Variants in MSH5 observed in about 807,000 individuals in gnomAD.
The protein encoded by MSH5 is mutS protein homolog 5.
A neutral mutation model predicts 107.7 loss-of-function variants in MSH5; 78 were observed. The observed-to-expected ratio is 0.72, with a 90% confidence interval of 0.60 to 0.87. The LOEUF (loss-of-function observed/expected upper bound fraction) is 0.87, where lower values mean the gene tolerates loss of function less well. Among genes scored for constraint, MSH5 ranks in the 40% least tolerant of loss-of-function variants. The pLI is 0.00. For missense variants in MSH5, 889 were observed against 1,046.6 expected (o/e 0.85, Z 2.08); for synonymous variants, 326 against 399.5 (o/e 0.82, Z 2.19).
chr6:31,754,536 A>T (rs1810267405), intron 12 of MSH5, among the ~76,000 whole-genome samples: 1 of 151,958 alleles, frequency 6.6e-6, no homozygotes, highest in African/African-American at 2.4e-5. Context: ...TTTTTAAATA[A>T]GGTCCTGCTT....
intron 10 of MSH5, among the ~76,000 whole-genome samples, chr6:31,747,989 T>C (rs1296396782): frequency 8.1e-6 from 1 of 122,888 alleles, no homozygotes; most frequent in African/African-American, 3.4e-5. Flanking sequence ...GGCAACAGAG[T>C]GAGACTCCGT....
Position 31,762,186 on chromosome 6 carries a change from G to A in MSH5, c.2393+1G>A. 1.2e-6 allele frequency: 2 copies of A among 1,614,150 alleles called. No homozygotes were observed. Among genetic ancestry groups the A allele is most frequent in the Non-Finnish European group, 1.7e-6 (2 of 1,180,002 alleles). ...TGCTAAAGAAGAACCAAATGGAAAA[G>A]TGCGTATATGGCCCCAGTGTCTTTA... On this transcript the variant is annotated splice_donor_variant, in intron 24 of 24. Coordinates refer to ENST00000375750, the MANE Select transcript of MSH5 (RefSeq NM_172166.4). LOFTEE classifies it high-confidence loss of function.
chr6:31,755,677 G>A (rs140042511), intron 12 of MSH5, among the ~76,000 whole-genome samples: 442 of 151,922 alleles, frequency 2.9e-3, no homozygotes, highest in African/African-American at 5.9e-3. Context: ...TTTATTTTTT[G>A]TAGAGACAGG....
At chr6:31,762,396 C>G in intron 24 of MSH5, 24 bp from the exon 25 acceptor site, 1 of 1,558,490 alleles carries the variant, frequency 6.4e-7, no homozygotes, top group Non-Finnish European at 8.9e-7. Flanking sequence ...TGCCATAAAT[C>G]TTGCGATTTT....
At chr6:31,741,336 TACACACACACACACAC>T (rs9279401) in intron 3 of MSH5, 50 bp downstream of exon 3, 58,674 of 895,266 alleles carry the variant, frequency 0.066, 2,550 homozygotes, top group African/African-American at 0.14. Context: ...GCAGATGTGT[TACACACACACACACAC>T]ACACACACAC....
rs1810643715 is a variant in MSH5 at position 31,758,366 on chromosome 6, C to A, written c.1143+73C>A. The A allele has an allele frequency of 1.9e-6, 3 of 1,592,588 alleles. No homozygotes were observed. Among genetic ancestry groups the A allele is most frequent in the South Asian group, 2.2e-5 (2 of 89,084 alleles). ...GAATGCAGTGTGCAAGATGGGGAAA[C>A]ATGGAAGATATTGAGGTCAATTGGA... On this transcript the variant is annotated intron_variant, in intron 13 of 24. Coordinates refer to ENST00000375750, the MANE Select transcript of MSH5 (RefSeq NM_172166.4). The surrounding 1 kb of genome is among the most constrained non-coding windows in gnomAD (Gnocchi z 5.1).
intron 10 of MSH5, among the ~76,000 whole-genome samples, chr6:31,751,152 C>T (rs968707103): frequency 8.5e-5 from 13 of 152,088 alleles, no homozygotes; most frequent in Non-Finnish European, 1.9e-4. Context: ...CCCGCCAACA[C>T]GCCCGGCTAA....
intron 10 of MSH5, 36 bp from the exon 11 acceptor site, chr6:31,753,265 A>C: frequency 6.4e-7 from 1 of 1,566,636 alleles, no homozygotes; most frequent in East Asian, 2.3e-5. Context: ...TGATAGATGT[A>C]ACTTGTAGTA....
Position 31,759,197 on chromosome 6 carries a change from T to C in MSH5, c.1407+20T>C. ...TTCATGGTAAGACCCTCAACCTCTG[T>C]AAGGTGAGTGATGAGGAAAATGAGT... On this transcript the variant is annotated intron_variant, in intron 16 of 24. Coordinates refer to ENST00000375750, the MANE Select transcript of MSH5 (RefSeq NM_172166.4). The surrounding 1 kb of genome is among the most constrained non-coding windows in gnomAD (Gnocchi z 4.7). 1 of 1,604,918 alleles carries C rather than the reference T, an allele frequency of 6.2e-7. No individual in the cohort carries two copies. Among genetic ancestry groups the C allele is most frequent in the Non-Finnish European group, 8.5e-7 (1 of 1,172,972 alleles).
In MSH5 at chr6:31,760,172, A is replaced by C; in HGVS notation, c.1768A>C (p.Ile590Leu). 1 of 1,611,878 alleles carries C rather than the reference A, an allele frequency of 6.2e-7. No homozygotes were observed. Among genetic ancestry groups the C allele is most frequent in the Non-Finnish European group, 8.5e-7 (1 of 1,179,046 alleles). ...TGGGGACAAAGGGAGGGTCAAAGTCATCACTGGACCCAACTCATCAGGGAA... is the reference window on the plus strand; with the variant it reads ...TGGGGACAAAGGGAGGGTCAAAGTCCTCACTGGACCCAACTCATCAGGGAA... ...CGGDKGRVKVITGPNSSGKSI... is the reference protein window; with the variant it reads ...CGGDKGRVKVLTGPNSSGKSI... The change falls in exon 19 of 25, where the codon ATC becomes CTC. Residue 590 changes from isoleucine to leucine, a missense_variant. Physicochemically the swap from Ile to Leu is conservative, Grantham distance 5. Around this residue, in one of 3 missense-constraint regions of MSH5, gnomAD observed 362 missense variants for 456.2 expected, o/e 0.79. Transcript: ENST00000375750. This position sits in a 1 kb window ranked among gnomAD's most constrained non-coding sequence, Gnocchi z 5.6.
intron 10 of MSH5, among the ~76,000 whole-genome samples, chr6:31,752,268 G>A (rs562780991): frequency 1.8e-4 from 28 of 151,610 alleles, no homozygotes; most frequent in African/African-American, 6.5e-4. Flanking sequence ...GTGAAACCCC[G>A]TCTCTACTAA....
intron 5 of MSH5, chr6:31,743,440 G>T: frequency 1.9e-6 from 1 of 535,268 alleles, no homozygotes; most frequent in Non-Finnish European, 3.3e-6. Context: ...GGGTTTTATT[G>T]TTGGAATTCT....
In MSH5 at chr6:31,759,447, A is replaced by C; in HGVS notation, c.1430A>C (p.His477Pro). The change falls in exon 17 of 25, where the codon CAC becomes CCC. Residue 477 changes from histidine to proline, a missense_variant. Around this residue, in one of 3 missense-constraint regions of MSH5, gnomAD observed 362 missense variants for 456.2 expected, o/e 0.79. Transcript: ENST00000375750. This position sits in a 1 kb window ranked among gnomAD's most constrained non-coding sequence, Gnocchi z 4.7. ...CAGTTTCTCTCAGAGGAGAAGCTGCACTATCGTAGTGCCCGAACCAAGGAG... is the reference window on the plus strand; with the variant it reads ...CAGTTTCTCTCAGAGGAGAAGCTGCCCTATCGTAGTGCCCGAACCAAGGAG... ...DFMFLSEEKL[H>P]YRSARTKELD... 6 of 1,612,752 alleles carry C rather than the reference A, an allele frequency of 3.7e-6. No individual in the cohort carries two copies. Among genetic ancestry groups the C allele is most frequent in the Non-Finnish European group, 8.5e-7 (1 of 1,180,016 alleles).
rs1810609288 is a variant in MSH5 at position 31,758,111 on chromosome 6, C to T, written c.1015-54C>T. ...GTTCTTCTGAGTCTGTCCCTATCACCACCTCAACCCGAGCTGGATGTGGCC... is the reference window on the plus strand; with the variant it reads ...GTTCTTCTGAGTCTGTCCCTATCACTACCTCAACCCGAGCTGGATGTGGCC... On this transcript the variant is annotated intron_variant, in intron 12 of 24. Coordinates refer to ENST00000375750, the MANE Select transcript of MSH5 (RefSeq NM_172166.4). This position sits in a 1 kb window ranked among gnomAD's most constrained non-coding sequence, Gnocchi z 5.1. 6.2e-7 allele frequency: 1 copy of T among 1,608,480 alleles called. No homozygotes were observed. The highest frequency in any genetic ancestry group is 1.1e-5 in the South Asian group (1 of 90,900).
chr6:31,758,863 C>T lies in MSH5; in HGVS notation c.1314C>T (p.Ile438=). Residue 438 remains isoleucine, a synonymous_variant, in exon 15 of 25, where the codon ATC becomes ATT. Coordinates refer to ENST00000375750, the MANE Select transcript of MSH5 (RefSeq NM_172166.4). This position sits in a 1 kb window ranked among gnomAD's most constrained non-coding sequence, Gnocchi z 5.1. The stretch of plus-strand genomic sequence containing the variant: ...CCCGTATTCCTTCATGCAGTGTCAT[C>T]TACATCCCTCTGGTGAGGGCAGGAG... ...LDSRIPSCSV[I]YIPLIGFLLS... is the part of the protein sequence containing the mutation. 1.2e-6 allele frequency: 2 copies of T among 1,613,834 alleles called. No homozygotes were observed. The highest frequency in any genetic ancestry group is 2.2e-5 in the East Asian group (1 of 44,878).
At chr6:31,750,879 A>G (rs1452486932) in intron 10 of MSH5, among the ~76,000 whole-genome samples, 1 of 152,236 alleles carries the variant, frequency 6.6e-6, no homozygotes, top group Non-Finnish European at 1.5e-5. Context: ...TTCTATGTAG[A>G]AAAGAATTTG....
In MSH5 at chr6:31,761,152, A is replaced by G. The variant is rs2151379727; in HGVS notation, c.1963-36A>G. On this transcript the variant is annotated intron_variant, in intron 20 of 24. Coordinates refer to ENST00000375750, the MANE Select transcript of MSH5 (RefSeq NM_172166.4). The surrounding 1 kb of genome is among the most constrained non-coding windows in gnomAD (Gnocchi z 5.3). Reference sequence around the variant, plus strand: ...GTGGTCAGTGCGTTACGGGCTTCCAATACTAACTTTCCCTTGTCCACCTTA... The same window carrying G: ...GTGGTCAGTGCGTTACGGGCTTCCAGTACTAACTTTCCCTTGTCCACCTTA... The G allele has an allele frequency of 1.2e-6, 2 of 1,605,046 alleles. No homozygotes were observed. Among genetic ancestry groups the G allele is most frequent in the Non-Finnish European group, 1.7e-6 (2 of 1,174,518 alleles).
chr6:31,758,883 C>T lies in MSH5; in HGVS notation c.1326+8C>T. 1 of 1,600,844 alleles carries T rather than the reference C, an allele frequency of 6.2e-7. No individual in the cohort carries two copies. ...GTCATCTACATCCCTCTGGTGAGGG[C>T]AGGAGAGTGGGTGTAGCCTTCAGAT... On this transcript the variant is annotated splice_region_variant and intron_variant, in intron 15 of 24. Coordinates refer to ENST00000375750, the MANE Select transcript of MSH5 (RefSeq NM_172166.4). This position sits in a 1 kb window ranked among gnomAD's most constrained non-coding sequence, Gnocchi z 5.1.
chr6:31,761,333 T>C lies in MSH5; in HGVS notation c.2037+71T>C. 6.2e-7 allele frequency: 1 copy of C among 1,605,894 alleles called. No homozygotes were observed. Among genetic ancestry groups the C allele is most frequent in the Admixed American group, 1.7e-5 (1 of 59,746 alleles). Reference sequence around the variant, plus strand: ...GGAGGAGGATGAAGGAGCATGACAGTGAGGCTGGGCCTCTGGAATGGAATA... The same window carrying C: ...GGAGGAGGATGAAGGAGCATGACAGCGAGGCTGGGCCTCTGGAATGGAATA... On this transcript the variant is annotated intron_variant, in intron 21 of 24. Transcript: ENST00000375750. The surrounding 1 kb of genome is among the most constrained non-coding windows in gnomAD (Gnocchi z 5.3).
Sources: gnomAD v4.1 joint callset for allele counts (sites outside exome capture counted in the v4.1 genomes callset) on GRCh38, gnomAD v4.1.1 for gene constraint, gnomAD v4.1.1 regional missense constraint, Gnocchi (gnomAD v3.1) non-coding constraint, MANE v1.5 for transcripts, NCBI Gene and HGNC (gene_info 2026-07-23, HGNC 2026-07-21) for gene names.